Variants in PIGN observed in about 807,000 individuals in gnomAD.
PIGN encodes phosphatidylinositol glycan anchor biosynthesis class N.
PIGN carries 117 observed loss-of-function variants against 125.4 expected under a neutral mutation model. The ratio of observed to expected loss-of-function variants is 0.93; its 90% CI spans 0.80 to 1.09. The LOEUF (loss-of-function observed/expected upper bound fraction) is 1.09. PIGN is among the 50% of genes least tolerant of loss of function. The pLI, the probability that PIGN is intolerant of heterozygous loss-of-function variation, is 0.00. For missense variants in PIGN, 1,075 were observed against 1,094.9 expected (o/e 0.98, Z 0.26); for synonymous variants, 392 against 377.8 (o/e 1.04, Z -0.44).
intron 16 of PIGN, 160 bp downstream of exon 16, chr18:62,112,974 C>T: frequency 1.8e-6 from 1 of 550,270 alleles, no homozygotes. Context: ...ACTGAAGAAA[C>T]AGAGATAACT....
chr18:62,049,689 A>G (rs2031091648), intron 30 of PIGN, among the ~76,000 whole-genome samples: 1 of 149,964 alleles, frequency 6.7e-6, no homozygotes, highest in Non-Finnish European at 1.5e-5. Context: ...GCTGTGAAGA[A>G]GCTCTTTAGT....
chr18:62,125,133 C>T (rs57561555), intron 14 of PIGN, among the ~76,000 whole-genome samples: 3,021 of 68,262 alleles, frequency 0.044, 226 homozygotes, highest in African/African-American at 0.13. Flanking sequence ...TAAATATACA[C>T]GTTTGTACAT....
chr18:62,070,821 T>A (rs796910956), intron 30 of PIGN, among the ~76,000 whole-genome samples: 16 of 152,232 alleles, frequency 1.1e-4, no homozygotes, highest in African/African-American at 3.9e-4. Flanking sequence ...AATTTTTTTT[T>A]GATATGGGAT....
intron 14 of PIGN, among the ~76,000 whole-genome samples, chr18:62,120,228 C>A (rs2035248338): frequency 6.6e-6 from 1 of 151,696 alleles, no homozygotes; most frequent in Admixed American, 6.6e-5. Context: ...GGGAAGGGGA[C>A]AAATTGCCTT....
At position 62,044,705 on chromosome 18, in the gene PIGN, T is replaced by A. The variant is rs2144969258; in HGVS notation, c.*1151A>T. The A allele has an allele frequency of 6.6e-6, 1 of 152,342 alleles. No homozygotes were observed. Among genetic ancestry groups the A allele is most frequent in the Non-Finnish European group, 1.5e-5 (1 of 68,042 alleles). The allele number at this position is 152,342 out of a possible 1,614,324, so 9.4% of individuals were successfully genotyped here. A position where few individuals can be genotyped will look rare whatever the true frequency, so the allele number is the denominator to read the frequency against. ...AGGGTTTCCTAGTCATTAACATGAA[T>A]TAGTAATGCTATAACTTAATTCAAA... is the stretch of plus-strand genomic sequence containing the variant. On this transcript the variant is annotated 3_prime_UTR_variant, in exon 31 of 31. Coordinates refer to ENST00000640252, the MANE Select transcript of PIGN (RefSeq NM_176787.5).
At chr18:62,021,044 C>A (rs474214) in intron 23 of PIGN, among the ~76,000 whole-genome samples, 2 of 151,478 alleles carry the variant, frequency 1.3e-5, no homozygotes, top group Non-Finnish European at 2.9e-5. Flanking sequence ...CATATTCTTT[C>A]GGGGTGAATA....
downstream of PIGN, among the ~76,000 whole-genome samples, chr18:62,036,647 C>G (rs593785): frequency 6.6e-6 from 1 of 152,146 alleles, no homozygotes; most frequent in South Asian, 2.1e-4. Flanking sequence ...GGTTTCATTC[C>G]ACTGGTTCTC....
At chr18:62,074,970 A>T (rs531303837) in intron 28 of PIGN, 149 bp from the exon 29 acceptor site, 12 of 570,414 alleles carry the variant, frequency 2.1e-5, no homozygotes, top group South Asian at 1.6e-4. Flanking sequence ...TTTTCATATT[A>T]TCATGGGTGA....
intron 23 of PIGN, among the ~76,000 whole-genome samples, chr18:62,018,091 G>T (rs2030003706): frequency 6.6e-6 from 1 of 152,186 alleles, no homozygotes; most frequent in Non-Finnish European, 1.5e-5. Context: ...AAGCTCAAAA[G>T]ACCAATTCAG....
intron 14 of PIGN, among the ~76,000 whole-genome samples, chr18:62,122,178 A>G (rs1401805058): frequency 1.3e-5 from 2 of 152,164 alleles, no homozygotes; most frequent in African/African-American, 4.8e-5. Flanking sequence ...ATTTCAAAAT[A>G]GCTGGAACAG....
At chr18:62,109,740 T>C (rs2034798857) in intron 17 of PIGN, 94 bp downstream of exon 17, 4 of 1,047,612 alleles carry the variant, frequency 3.8e-6, no homozygotes, top group Admixed American at 2.3e-5. Context: ...ATAAATATAT[T>C]TGATGACTTA....
At chr18:62,076,713 AGGTT>A (rs765494153) in intron 28 of PIGN, among the ~76,000 whole-genome samples, 14 of 152,214 alleles carry the variant, frequency 9.2e-5, no homozygotes, top group Non-Finnish European at 1.6e-4. Flanking sequence ...TTCTAACCAT[AGGTT>A]TGAAATAAAG....
At chr18:62,112,238 A>G (rs2034907638) in intron 16 of PIGN, among the ~76,000 whole-genome samples, 1 of 152,214 alleles carries the variant, frequency 6.6e-6, no homozygotes, top group South Asian at 2.1e-4. Context: ...TTAAAGCATT[A>G]TACAAAATTA....
chr18:62,048,974 T>C (rs1025463760), intron 30 of PIGN, among the ~76,000 whole-genome samples: 3 of 151,854 alleles, frequency 2.0e-5, no homozygotes, highest in Admixed American at 6.6e-5. Flanking sequence ...GTCCTTGCGA[T>C]AGTTTACTGA....
intron 1 of PIGN, chr18:62,174,213 CA>C (rs371694420): frequency 0.21 from 24,877 of 119,716 alleles, 2,499 homozygotes; most frequent in Middle Eastern, 0.34. Flanking sequence ...GACTCCAACT[CA>C]AAAAAAAAAA....
intron 1 of PIGN, among the ~76,000 whole-genome samples, chr18:62,181,106 C>G (rs920215290): frequency 2.0e-5 from 3 of 152,090 alleles, no homozygotes; most frequent in Non-Finnish European, 4.4e-5. Flanking sequence ...GTAGAATTTA[C>G]TATGATAAAA....
At chr18:62,175,038 AT>A (rs2037473106) in intron 1 of PIGN, among the ~76,000 whole-genome samples, 2 of 144,704 alleles carry the variant, frequency 1.4e-5, no homozygotes. Flanking sequence ...TTAGATATAT[AT>A]TATAAATATA....
downstream of PIGN, among the ~76,000 whole-genome samples, chr18:62,039,992 C>T (rs528827): frequency 2.6e-5 from 2 of 77,190 alleles, no homozygotes; most frequent in African/African-American, 4.5e-5. Context: ...GTGCCGCACC[C>T]CATGTTTAGG....
At chr18:62,154,218 C>T (rs2036638323) in intron 7 of PIGN, 1 of 343,658 alleles carries the variant, frequency 2.9e-6, no homozygotes, top group African/African-American at 2.1e-5. Context: ...TTTCCTACAT[C>T]TCATATGGTC....
Sources: gnomAD v4.1 joint callset for allele counts (sites outside exome capture counted in the v4.1 genomes callset) on GRCh38, gnomAD v4.1.1 for gene constraint, MANE v1.5 for transcripts, NCBI Gene and HGNC (gene_info 2026-07-23, HGNC 2026-07-21) for gene names.